ADAMTSL1: variants seen among roughly 807,000 people sequenced by gnomAD.
ADAMTSL1 encodes ADAMTS like 1.
ADAMTSL1 carries 126 observed loss-of-function variants against 201.8 expected under a neutral mutation model. The ratio of observed to expected loss-of-function variants is 0.62; its 90% CI spans 0.54 to 0.72. The LOEUF (loss-of-function observed/expected upper bound fraction) is 0.72. Among genes scored for constraint, ADAMTSL1 ranks in the 30% least tolerant of loss-of-function variants. The pLI, the probability that ADAMTSL1 is intolerant of heterozygous loss-of-function variation, is 0.00. For synonymous variants in ADAMTSL1, 1,121 were observed against 903.4 expected (o/e 1.24, Z -4.32); for missense variants, 2,679 against 2,277.8 (o/e 1.18, Z -3.59).
intron 2 of ADAMTSL1, among the ~76,000 whole-genome samples, chr9:18,350,145 T>C (rs1835903122): frequency 6.6e-6 from 1 of 151,990 alleles, no homozygotes; most frequent in African/African-American, 2.4e-5. Flanking sequence ...TCCTCTCTCC[T>C]GGTTTGTTTT....
At chr9:18,405,428 A>G (rs1818149720) in intron 2 of ADAMTSL1, among the ~76,000 whole-genome samples, 1 of 152,072 alleles carries the variant, frequency 6.6e-6, no homozygotes, top group Non-Finnish European at 1.5e-5. Context: ...TGGCAGGGGC[A>G]CTCTTCCAAA....
intron 23 of ADAMTSL1, among the ~76,000 whole-genome samples, chr9:18,838,255 C>T (rs1357500065): frequency 6.6e-6 from 1 of 151,952 alleles, no homozygotes; most frequent in Non-Finnish European, 1.5e-5. Context: ...GAAAGACCTG[C>T]CCCCATGATT....
intron 3 of ADAMTSL1, among the ~76,000 whole-genome samples, chr9:18,550,722 A>G (rs1315341401): frequency 1.3e-5 from 2 of 151,982 alleles, no homozygotes; most frequent in Non-Finnish European, 2.9e-5. Flanking sequence ...ATGAGATAAT[A>G]AATTTGTGTT....
chr9:18,892,912 A>G (rs1829378861), intron 26 of ADAMTSL1, among the ~76,000 whole-genome samples: 1 of 152,044 alleles, frequency 6.6e-6, no homozygotes, highest in Non-Finnish European at 1.5e-5. Flanking sequence ...TGTCCTTTGG[A>G]AAACAATCAC....
chr9:18,841,248 G>A (rs1239032886), intron 23 of ADAMTSL1, among the ~76,000 whole-genome samples: 1 of 149,870 alleles, frequency 6.7e-6, no homozygotes, highest in African/African-American at 2.5e-5. Flanking sequence ...TAGCATGAAG[G>A]GTTGTTGAAT....
intron 2 of ADAMTSL1, among the ~76,000 whole-genome samples, chr9:18,336,005 A>T (rs1835221666): frequency 6.6e-6 from 1 of 152,158 alleles, no homozygotes; most frequent in Non-Finnish European, 1.5e-5. Context: ...CATTGAATCA[A>T]GTCTCTTTAA....
intron 2 of ADAMTSL1, among the ~76,000 whole-genome samples, chr9:18,412,100 T>C (rs895685135): frequency 6.6e-6 from 1 of 152,230 alleles, no homozygotes; most frequent in East Asian, 1.9e-4. Flanking sequence ...TTCTGGATTT[T>C]GCTAATTGCT....
intron 2 of ADAMTSL1, among the ~76,000 whole-genome samples, chr9:18,192,170 G>A (rs1019207730): frequency 2.0e-5 from 3 of 151,982 alleles, no homozygotes; most frequent in Non-Finnish European, 2.9e-5. Context: ...TTCTACTCTT[G>A]CAATGACTTA....
intron 3 of ADAMTSL1, among the ~76,000 whole-genome samples, chr9:18,545,201 C>G (rs888835262): frequency 2.6e-5 from 4 of 152,166 alleles, no homozygotes; most frequent in African/African-American, 9.7e-5. Flanking sequence ...CAAACTCATT[C>G]AATTCTCACC....
intron 2 of ADAMTSL1, among the ~76,000 whole-genome samples, chr9:18,201,303 T>G (rs1049294496): frequency 6.6e-6 from 1 of 152,152 alleles, no homozygotes; most frequent in African/African-American, 2.4e-5. Flanking sequence ...ATTCTAGCCA[T>G]GTACCTTCCA....
In ADAMTSL1 at chr9:18,179,065, A is replaced by G. The variant is rs373996813; in HGVS notation, c.207+15084A>G. 5.3e-5 allele frequency among the ~76,000 whole-genome samples: 8 copies of G among 152,010 alleles called. No individual in the cohort carries two copies. In the East Asian group the frequency reaches 5.8e-4, roughly 11 times the overall value. On this transcript the variant is annotated intron_variant, in intron 2 of 29. Transcript: ENST00000680146. ...GAGCTGAGAGAAGAAGGCTTCAGAC[A>G]ATCAAATTACTCCGAGCTACGGGAG...
chr9:18,254,707 A>C (rs574844913), intron 2 of ADAMTSL1, among the ~76,000 whole-genome samples: 12 of 137,570 alleles, frequency 8.7e-5, no homozygotes, highest in African/African-American at 3.0e-4. Flanking sequence ...CAGTAAGGAG[A>C]AAGTGTGGGA....
At chr9:18,027,487 G>T (rs568977227) in intron 1 of ADAMTSL1, among the ~76,000 whole-genome samples, 6 of 151,532 alleles carry the variant, frequency 4.0e-5, no homozygotes, top group Non-Finnish European at 8.8e-5. Context: ...AGTAATTCAG[G>T]ATCAAGTTGT....
At chr9:18,732,736 G>GA (rs1818284694) in intron 15 of ADAMTSL1, among the ~76,000 whole-genome samples, 1 of 152,076 alleles carries the variant, frequency 6.6e-6, no homozygotes, top group African/African-American at 2.4e-5. Flanking sequence ...GGAAAGAAAA[G>GA]AAGGAAAAAA....
At chr9:17,926,525 G>T (rs558712401) in intron 1 of ADAMTSL1, among the ~76,000 whole-genome samples, 8 of 152,134 alleles carry the variant, frequency 5.3e-5, no homozygotes, top group Non-Finnish European at 1.0e-4. Context: ...GGAGAGTGCT[G>T]CTCTAAATAA....
chr9:18,267,308 A>G (rs1028031085), intron 2 of ADAMTSL1, among the ~76,000 whole-genome samples: 2 of 152,086 alleles, frequency 1.3e-5, no homozygotes, highest in African/African-American at 4.8e-5. Flanking sequence ...TCAGTTCCAG[A>G]TGGTATTTAA....
chr9:18,251,041 A>C (rs896208422), intron 2 of ADAMTSL1, among the ~76,000 whole-genome samples: 10 of 152,196 alleles, frequency 6.6e-5, no homozygotes, highest in African/African-American at 2.4e-4. Context: ...AAAAAACAGA[A>C]ACAGCACAGA....
chr9:17,994,090 T>TTGTGTGTGTGTGTGTGTGTG (rs367861504), intron 1 of ADAMTSL1, among the ~76,000 whole-genome samples: 15 of 142,086 alleles, frequency 1.1e-4, no homozygotes, highest in African/African-American at 3.8e-4. Flanking sequence ...CAGAATCTCA[T>TTGTGTGTGTGTGTGTGTGTG]TGTGTGTGTG....
intron 3 of ADAMTSL1, among the ~76,000 whole-genome samples, chr9:18,572,627 ACCCCACATTG>A (rs1822405780): frequency 7.1e-6 from 1 of 140,682 alleles, no homozygotes; most frequent in Admixed American, 7.2e-5. Flanking sequence ...ATTTGTTTCT[ACCCCACATTG>A]CCTAGAAAGA....
Sources: gnomAD v4.1 joint callset for allele counts (sites outside exome capture counted in the v4.1 genomes callset) on GRCh38, gnomAD v4.1.1 for gene constraint, MANE v1.5 for transcripts, NCBI Gene and HGNC (gene_info 2026-07-23, HGNC 2026-07-21) for gene names.